PACS1: variants seen among roughly 807,000 people sequenced by gnomAD.
The protein encoded by PACS1 is PACS-1.
PACS1 carries 24 observed loss-of-function variants against 115.0 expected under a neutral mutation model. The ratio of observed to expected loss-of-function variants is 0.21; its 90% CI spans 0.15 to 0.29. The LOEUF (loss-of-function observed/expected upper bound fraction) is 0.29. PACS1 is among the 10% of genes least tolerant of loss of function. PACS1 has a pLI of 1.00. For missense variants in PACS1, 838 were observed against 1,251.2 expected (o/e 0.67, Z 4.98); for synonymous variants, 453 against 504.5 (o/e 0.90, Z 1.37).
chr11:66,239,399 T>G, intron 21 of PACS1, 122 bp downstream of exon 21: 1 of 1,192,190 alleles, frequency 8.4e-7, no homozygotes, highest in Non-Finnish European at 1.1e-6. Context: ...AGTGCACACC[T>G]GTGGTCCTAG....
intron 1 of PACS1, among the ~76,000 whole-genome samples, chr11:66,120,284 T>C (rs1049027017): frequency 1.3e-5 from 2 of 151,920 alleles, no homozygotes; most frequent in South Asian, 4.2e-4. Context: ...TTAGTAGAGA[T>C]GGGGTTTCAC....
At chr11:66,162,147 A>T (rs1859504394) in intron 1 of PACS1, among the ~76,000 whole-genome samples, 1 of 95,698 alleles carries the variant, frequency 1.0e-5, no homozygotes, top group Non-Finnish European at 1.9e-5. Context: ...TTTTTTTGAG[A>T]CAGTGTCTCT....
chr11:66,073,628 T>C (rs1212515653), intron 1 of PACS1, among the ~76,000 whole-genome samples: 2 of 152,256 alleles, frequency 1.3e-5, no homozygotes, highest in East Asian at 1.9e-4. Context: ...TCTGCTCTTA[T>C]TTAACATCTG....
In PACS1 at chr11:66,220,705, C is replaced by T. The variant is rs963018148; in HGVS notation, c.1113C>T (p.Asp371=). The change falls in exon 9 of 24, where the codon GAC becomes GAT. Residue 371 remains aspartate, a synonymous_variant. Coordinates refer to ENST00000320580, the MANE Select transcript of PACS1 (RefSeq NM_018026.4). ...EVEEDLDELY[D]SLEMYNPSDS... is the part of the protein sequence containing the mutation. Reference sequence around the variant, plus strand: ...AAGAGGACTTGGATGAATTGTATGACAGTCTGGAGATGTACAACCCCAGCG... The same window carrying T: ...AAGAGGACTTGGATGAATTGTATGATAGTCTGGAGATGTACAACCCCAGCG... 2 of 1,614,016 alleles carry T rather than the reference C, an allele frequency of 1.2e-6. No homozygotes were observed. The highest frequency in any genetic ancestry group is 1.7e-6 in the Non-Finnish European group (2 of 1,180,020).
At position 66,142,742 on chromosome 11, in the gene PACS1, G is replaced by A. The variant is rs77271341; in HGVS notation, c.357-50744G>A. Among the ~76,000 whole-genome samples the A allele has an allele frequency of 6.0e-3, 913 of 151,966 alleles. 10 individuals are homozygous for A. The highest frequency in any genetic ancestry group is 0.021 in the African/African-American group (850 of 41,410). On this transcript the variant is annotated intron_variant, in intron 1 of 23. Coordinates refer to ENST00000320580, the MANE Select transcript of PACS1 (RefSeq NM_018026.4). Reference sequence around the variant, plus strand: ...AAAAGAAGGTTTGTGACCAGCATGGGCAATGTCTCTACTAAGAGAAAAAAA... The same window carrying A: ...AAAAGAAGGTTTGTGACCAGCATGGACAATGTCTCTACTAAGAGAAAAAAA...
At chr11:66,242,165 C>T (rs994492758) in intron 22 of PACS1, among the ~76,000 whole-genome samples, 2 of 152,214 alleles carry the variant, frequency 1.3e-5, no homozygotes, top group Non-Finnish European at 2.9e-5. Flanking sequence ...GGAGCTGGCC[C>T]GGCTCCTGTG....
At chr11:66,164,736 A>G (rs1483723782) in intron 1 of PACS1, among the ~76,000 whole-genome samples, 1 of 150,138 alleles carries the variant, frequency 6.7e-6, no homozygotes, top group Non-Finnish European at 1.5e-5. Flanking sequence ...GGTGTGAGCC[A>G]CCGCACCTGG....
intron 2 of PACS1, among the ~76,000 whole-genome samples, chr11:66,195,197 G>A (rs1377436657): frequency 6.6e-6 from 1 of 152,198 alleles, no homozygotes; most frequent in Non-Finnish European, 1.5e-5. Flanking sequence ...CTGGGTGACA[G>A]AATGAGACTC....
intron 1 of PACS1, among the ~76,000 whole-genome samples, chr11:66,165,163 C>CTG: frequency 6.6e-6 from 1 of 152,256 alleles, no homozygotes; most frequent in East Asian, 1.9e-4. Context: ...ATTCTTCATT[C>CTG]TGCCAGATCC....
At chr11:66,123,679 G>A (rs928136877) in intron 1 of PACS1, among the ~76,000 whole-genome samples, 2 of 151,436 alleles carry the variant, frequency 1.3e-5, no homozygotes, top group South Asian at 2.1e-4. Context: ...CTGCCACCGC[G>A]CCCGGCTAAT....
At chr11:66,096,015 A>G (rs1173215817) in intron 1 of PACS1, among the ~76,000 whole-genome samples, 1 of 151,300 alleles carries the variant, frequency 6.6e-6, no homozygotes, top group East Asian at 1.9e-4. Context: ...GTTCACTGCA[A>G]CCTCCACCTC....
At chr11:66,163,682 ATGGT>A (rs1450497123) in intron 1 of PACS1, among the ~76,000 whole-genome samples, 4 of 152,284 alleles carry the variant, frequency 2.6e-5, no homozygotes, top group African/African-American at 9.6e-5. Context: ...CAGTAAGATA[ATGGT>A]ATTTTCTGTC....
At chr11:66,108,102 A>G (rs184265703) in intron 1 of PACS1, among the ~76,000 whole-genome samples, 22 of 152,326 alleles carry the variant, frequency 1.4e-4, no homozygotes, top group Admixed American at 1.3e-3. Flanking sequence ...TGCATGGGCT[A>G]CCATAACAAA....
At chr11:66,158,596 G>C (rs1289872425) in intron 1 of PACS1, among the ~76,000 whole-genome samples, 1 of 152,184 alleles carries the variant, frequency 6.6e-6, no homozygotes, top group Admixed American at 6.5e-5. Flanking sequence ...AAGTACTTGG[G>C]TGGCTGAGGT....
chr11:66,117,533 C>T (rs1168979436), intron 1 of PACS1, among the ~76,000 whole-genome samples: 1 of 151,622 alleles, frequency 6.6e-6, no homozygotes. Flanking sequence ...ACAAGACCAG[C>T]CCTCAACATG....
chr11:66,073,998 C>T (rs1168009586), intron 1 of PACS1, among the ~76,000 whole-genome samples: 1 of 142,570 alleles, frequency 7.0e-6, no homozygotes, highest in Non-Finnish European at 1.5e-5. Context: ...TTGCTTCAAA[C>T]TGTCCTCCTA....
At chr11:66,138,079 GC>G (rs1404912462) in intron 1 of PACS1, among the ~76,000 whole-genome samples, 20 of 130,600 alleles carry the variant, frequency 1.5e-4, no homozygotes, top group African/African-American at 6.3e-4. Context: ...CCAAGATTTT[GC>G]CCCGTTTATT....
At chr11:66,207,104 T>G (rs1207492530) in intron 2 of PACS1, among the ~76,000 whole-genome samples, 4 of 152,170 alleles carry the variant, frequency 2.6e-5, no homozygotes, top group African/African-American at 7.2e-5. Flanking sequence ...TCATAACATT[T>G]CACCCACAAA....
At chr11:66,182,310 T>A (rs1269084327) in intron 1 of PACS1, among the ~76,000 whole-genome samples, 1 of 152,228 alleles carries the variant, frequency 6.6e-6, no homozygotes, top group Admixed American at 6.5e-5. Context: ...AAGCCACATC[T>A]TATGGCTATG....
Sources: gnomAD v4.1 joint callset for allele counts (sites outside exome capture counted in the v4.1 genomes callset) on GRCh38, gnomAD v4.1.1 for gene constraint, MANE v1.5 for transcripts, NCBI Gene and HGNC (gene_info 2026-07-23, HGNC 2026-07-21) for gene names.